The following HS3ST3B1 variants were observed in gnomAD, a reference collection of about 807,000 sequenced individuals.
HS3ST3B1 encodes the protein heparan sulfate-glucosamine 3-sulfotransferase 3B1.
Under a neutral mutation model 21.3 loss-of-function variants are expected in HS3ST3B1, and 13 were observed. The observed-to-expected ratio is 0.61, with a 90% CI of 0.40 to 0.97. The LOEUF (loss-of-function observed/expected upper bound fraction) is 0.97, where lower values mean the gene tolerates loss of function less well. Among genes scored for constraint, HS3ST3B1 ranks in the 50% least tolerant of loss-of-function variants. The pLI, the probability that HS3ST3B1 is intolerant of heterozygous loss-of-function variation, is 0.00. For synonymous variants in HS3ST3B1, 234 were observed against 254.8 expected, an observed-to-expected ratio of 0.92 and a Z score of 0.78; for missense variants, 459 against 554.8, an observed-to-expected ratio of 0.83 and a Z score of 1.73.
chr17:14,326,784 G>A (rs1447377243), intron 1 of HS3ST3B1, among the ~76,000 whole-genome samples: 1 of 151,958 alleles, frequency 6.6e-6, no homozygotes, highest in East Asian at 1.9e-4. Context: ...AGCTGGACGT[G>A]GTGGTGTGCA....
At chr17:14,311,852 T>C (rs1183215779) in intron 1 of HS3ST3B1, among the ~76,000 whole-genome samples, 4 of 152,128 alleles carry the variant, frequency 2.6e-5, no homozygotes, top group African/African-American at 7.2e-5. Context: ...TCCTCTTCCT[T>C]GAAGCACCAC....
intron 1 of HS3ST3B1, among the ~76,000 whole-genome samples, chr17:14,322,933 T>C (rs1372036379): frequency 7.3e-6 from 1 of 137,736 alleles, no homozygotes; most frequent in East Asian, 2.1e-4. Flanking sequence ...TGAGACAGAG[T>C]CTCACCCTGT....
intron 1 of HS3ST3B1, among the ~76,000 whole-genome samples, chr17:14,335,345 C>G (rs545953592): frequency 7.2e-5 from 11 of 152,140 alleles, no homozygotes; most frequent in African/African-American, 2.6e-4. Flanking sequence ...GAGCAGATAT[C>G]TTCAAAAAAA....
Position 14,346,099 on chromosome 17 carries a change from C to T in HS3ST3B1, c.*453C>T, listed in dbSNP as rs951992619. ...ACAGGGCTGTATTCTGAAGGGCAGG[C>T]CTCATGCAGCAGCCTCCTTGCAGAT... On this transcript the variant is annotated 3_prime_UTR_variant, in exon 2 of 2. Coordinates refer to ENST00000360954, the MANE Select transcript of HS3ST3B1 (RefSeq NM_006041.3). The T allele has an allele frequency of 3.6e-5, 6 of 168,090 alleles. No homozygotes were observed. In the South Asian group the frequency reaches 5.9e-4, roughly 16 times the overall value. The allele number at this position is 168,090 out of a possible 1,614,324, so 10.4% of individuals were successfully genotyped here.
At chr17:14,333,505 C>T (rs1470401891) in intron 1 of HS3ST3B1, among the ~76,000 whole-genome samples, 1 of 151,450 alleles carries the variant, frequency 6.6e-6, no homozygotes, top group African/African-American at 2.4e-5. Context: ...TTTTGTTCAA[C>T]AACTATTGCA....
intron 1 of HS3ST3B1, among the ~76,000 whole-genome samples, chr17:14,341,228 T>G (rs1910371114): frequency 6.6e-6 from 1 of 152,204 alleles, no homozygotes; most frequent in Non-Finnish European, 1.5e-5. Flanking sequence ...CTAGGGCCAG[T>G]GAGGAAATTC....
In HS3ST3B1 at chr17:14,318,311, G is replaced by A. The variant is rs186651551; in HGVS notation, c.554+16239G>A. On this transcript the variant is annotated intron_variant, in intron 1 of 1. Transcript: ENST00000360954. ...GAGAGAGGATCCCTGTCATTCTTCC[G>A]GGAGAGGCATGTCAGCAGGCGCAGC... 9.7e-4 allele frequency among the ~76,000 whole-genome samples: 147 copies of A among 152,246 alleles called. 2 individuals carry two copies. Among genetic ancestry groups the A allele is most frequent in the Middle Eastern group, 6.8e-3 (2 of 294 alleles).
At chr17:14,323,458 C>T (rs961472658) in intron 1 of HS3ST3B1, among the ~76,000 whole-genome samples, 30 of 152,174 alleles carry the variant, frequency 2.0e-4, no homozygotes, top group African/African-American at 7.2e-4. Flanking sequence ...TTTTTAAAAG[C>T]TGTGAGAAAG....
chr17:14,314,268 C>T (rs1184094782), intron 1 of HS3ST3B1, among the ~76,000 whole-genome samples: 1 of 152,220 alleles, frequency 6.6e-6, no homozygotes, highest in African/African-American at 2.4e-5. Flanking sequence ...CATGAGCCAC[C>T]CTGCCTGGCC....
At chr17:14,321,245 G>A (rs1172076076) in intron 1 of HS3ST3B1, among the ~76,000 whole-genome samples, 1 of 152,182 alleles carries the variant, frequency 6.6e-6, no homozygotes, top group Non-Finnish European at 1.5e-5. Flanking sequence ...CTCCCCATAT[G>A]ATGGTAATCT....
intron 1 of HS3ST3B1, among the ~76,000 whole-genome samples, chr17:14,310,064 T>A (rs758051): frequency 1.1e-4 from 17 of 151,834 alleles, no homozygotes; most frequent in Middle Eastern, 3.4e-3. Flanking sequence ...GTAAGGCGAT[T>A]CCGCAGATTC....
chr17:14,315,484 T>C (rs1178625302), intron 1 of HS3ST3B1, among the ~76,000 whole-genome samples: 1 of 152,194 alleles, frequency 6.6e-6, no homozygotes, highest in Non-Finnish European at 1.5e-5. Flanking sequence ...TGGGGAGTCC[T>C]GCAGACCACA....
At chr17:14,341,753 G>T (rs1332860202) in intron 1 of HS3ST3B1, among the ~76,000 whole-genome samples, 1 of 152,162 alleles carries the variant, frequency 6.6e-6, no homozygotes, top group Non-Finnish European at 1.5e-5. Flanking sequence ...TTCAATCGTG[G>T]TGATAATGCT....
intron 1 of HS3ST3B1, among the ~76,000 whole-genome samples, chr17:14,341,078 G>A (rs959640261): frequency 6.6e-6 from 1 of 152,296 alleles, no homozygotes; most frequent in East Asian, 1.9e-4. Flanking sequence ...GCAGGCGGTC[G>A]AGCACAGTAA....
intron 1 of HS3ST3B1, among the ~76,000 whole-genome samples, chr17:14,338,327 T>TGC (rs1289944968): frequency 1.3e-5 from 2 of 151,650 alleles, no homozygotes; most frequent in Admixed American, 1.3e-4. Flanking sequence ...GGTTTCATCA[T>TGC]GTTAGCCAGG....
At chr17:14,312,470 A>AT (rs1277355249) in intron 1 of HS3ST3B1, among the ~76,000 whole-genome samples, 1 of 151,738 alleles carries the variant, frequency 6.6e-6, no homozygotes, top group Non-Finnish European at 1.5e-5. Flanking sequence ...CCAAGATTCT[A>AT]TTTTTTCATC....
At chr17:14,332,801 C>T (rs1910056141) in intron 1 of HS3ST3B1, among the ~76,000 whole-genome samples, 1 of 144,586 alleles carries the variant, frequency 6.9e-6, no homozygotes. Flanking sequence ...AACTGATGGG[C>T]ATCCTTTCAT....
chr17:14,325,928 T>G (rs1215445908), intron 1 of HS3ST3B1, among the ~76,000 whole-genome samples: 1 of 152,192 alleles, frequency 6.6e-6, no homozygotes, highest in Non-Finnish European at 1.5e-5. Context: ...ACTGTTTATT[T>G]TTGCCACAGT....
At chr17:14,324,797 G>C (rs1909756105) in intron 1 of HS3ST3B1, among the ~76,000 whole-genome samples, 1 of 152,084 alleles carries the variant, frequency 6.6e-6, no homozygotes, top group Non-Finnish European at 1.5e-5. Flanking sequence ...AATTTTTGTA[G>C]AGATAGGGTC....
Sources: gnomAD v4.1 joint callset for allele counts (sites outside exome capture counted in the v4.1 genomes callset) on GRCh38, gnomAD v4.1.1 for gene constraint, MANE v1.5 for transcripts, NCBI Gene and HGNC (gene_info 2026-07-23, HGNC 2026-07-21) for gene names.